PCDH9: variants seen among roughly 807,000 people sequenced by gnomAD.
PCDH9 encodes the protein protocadherin-9.
Under a neutral mutation model 70.6 loss-of-function variants are expected in PCDH9, and 24 were observed. The observed-to-expected ratio is 0.34, with a 90% CI of 0.25 to 0.48. The LOEUF is 0.48. Among genes scored for constraint, PCDH9 ranks in the 20% least tolerant of loss-of-function variants. The pLI is 0.99. For missense variants in PCDH9, 1,281 were observed against 1,503.6 expected (o/e 0.85, Z 2.45); for synonymous variants, 562 against 558.5 (o/e 1.01, Z -0.09).
intron 4 of PCDH9, among the ~76,000 whole-genome samples, chr13:66,528,227 G>A (rs1456815135): frequency 2.6e-5 from 4 of 152,062 alleles, no homozygotes; most frequent in African/African-American, 7.2e-5. Context: ...TATAATTTCC[G>A]AAAGATCCAC....
chr13:67,228,142 C>A lies in PCDH9; in HGVS notation c.299G>T (p.Gly100Val). The change falls in exon 2 of 5, where the codon GGC becomes GTC. Residue 100 changes from glycine to valine, a missense_variant. Transcript: ENST00000377865. ...CTCATTCTCCTCAGCATATGAGGCG[C>A]CAGCACAGAGTTTTTCTCTGTCTAT... ...NRIDREKLCA[G>V]ASYAEENECF... 1 of 1,614,038 alleles carries A rather than the reference C, an allele frequency of 6.2e-7. No individual in the cohort carries two copies. The highest frequency in any genetic ancestry group is 8.5e-7 in the Non-Finnish European group (1 of 1,179,926).
At chr13:67,125,831 G>GTATATA (rs571391758) in intron 2 of PCDH9, among the ~76,000 whole-genome samples, 3 of 146,928 alleles carry the variant, frequency 2.0e-5, no homozygotes, top group African/African-American at 7.4e-5. Flanking sequence ...AAAAATGTGT[G>GTATATA]TATATATATA....
At chr13:66,753,708 C>G (rs1193732749) in intron 3 of PCDH9, among the ~76,000 whole-genome samples, 1 of 152,122 alleles carries the variant, frequency 6.6e-6, no homozygotes, top group East Asian at 1.9e-4. Context: ...CTCAGTCATA[C>G]ATGTAAAAAC....
At chr13:67,144,903 G>A (rs1030339094) in intron 2 of PCDH9, among the ~76,000 whole-genome samples, 1 of 152,090 alleles carries the variant, frequency 6.6e-6, no homozygotes, top group Non-Finnish European at 1.5e-5. Context: ...ATGTTTGTCA[G>A]TGATTTAAAT....
chr13:66,446,136 GTATT>G (rs1958085635), intron 4 of PCDH9, among the ~76,000 whole-genome samples: 1 of 151,988 alleles, frequency 6.6e-6, no homozygotes, highest in South Asian at 2.1e-4. Flanking sequence ...GTGTATGTAT[GTATT>G]TGTGTGTATG....
intron 3 of PCDH9, among the ~76,000 whole-genome samples, chr13:66,701,151 A>G (rs1045713039): frequency 1.3e-5 from 2 of 151,566 alleles, no homozygotes; most frequent in African/African-American, 2.4e-5. Context: ...ATGACCATTT[A>G]TATGAGGAAG....
intron 4 of PCDH9, among the ~76,000 whole-genome samples, chr13:66,522,080 A>T (rs1646905604): frequency 6.7e-6 from 1 of 149,012 alleles, no homozygotes; most frequent in Admixed American, 6.7e-5. Context: ...AAATATATAT[A>T]CATATATTAC....
At chr13:66,723,175 G>T (rs942718327) in intron 3 of PCDH9, among the ~76,000 whole-genome samples, 6 of 151,686 alleles carry the variant, frequency 4.0e-5, no homozygotes, top group Admixed American at 1.3e-4. Context: ...TATTCTAGGG[G>T]TACCTCATTC....
chr13:67,223,308 G>A (rs2138124775), intron 2 of PCDH9: 1 of 152,102 alleles, frequency 6.6e-6, no homozygotes, highest in East Asian at 1.9e-4. Context: ...ACTATATATA[G>A]GTTCAACTTT....
At chr13:66,685,913 C>T (rs2078394744) in intron 3 of PCDH9, among the ~76,000 whole-genome samples, 1 of 152,146 alleles carries the variant, frequency 6.6e-6, no homozygotes, top group Non-Finnish European at 1.5e-5. Context: ...TTCATTGTAT[C>T]TAGGAAGTAA....
chr13:66,979,665 G>A (rs972093188), intron 2 of PCDH9, among the ~76,000 whole-genome samples: 2 of 151,988 alleles, frequency 1.3e-5, no homozygotes, highest in Non-Finnish European at 2.9e-5. Flanking sequence ...TCTCATTCAT[G>A]TCCAAAATTC....
chr13:67,133,808 T>C (rs147914133), intron 2 of PCDH9, among the ~76,000 whole-genome samples: 94 of 152,178 alleles, frequency 6.2e-4, no homozygotes, highest in African/African-American at 2.0e-3. Context: ...ATGCAATAAA[T>C]TAATCAAAAT....
chr13:66,597,881 T>C (rs2077122086), intron 4 of PCDH9, among the ~76,000 whole-genome samples: 1 of 150,980 alleles, frequency 6.6e-6, no homozygotes. Flanking sequence ...TTCAACTCAG[T>C]AACAAATTTA....
intron 4 of PCDH9, among the ~76,000 whole-genome samples, chr13:66,622,738 G>A (rs1035826243): frequency 6.6e-6 from 1 of 152,122 alleles, no homozygotes; most frequent in Non-Finnish European, 1.5e-5. Flanking sequence ...GATGTGGGTG[G>A]GGCCAGATAA....
chr13:66,539,461 C>T (rs890582237), intron 4 of PCDH9, among the ~76,000 whole-genome samples: 1 of 152,028 alleles, frequency 6.6e-6, no homozygotes, highest in Non-Finnish European at 1.5e-5. Flanking sequence ...GCCTTTCCCC[C>T]TTTTGCTTTG....
chr13:66,618,477 T>A (rs1262526688), intron 4 of PCDH9, among the ~76,000 whole-genome samples: 1 of 152,216 alleles, frequency 6.6e-6, no homozygotes, highest in East Asian at 1.9e-4. Context: ...AAACTCTAGA[T>A]AATTTTATGT....
At chr13:66,598,457 T>A (rs923821570) in intron 4 of PCDH9, among the ~76,000 whole-genome samples, 1 of 151,864 alleles carries the variant, frequency 6.6e-6, no homozygotes, top group Non-Finnish European at 1.5e-5. Flanking sequence ...TACATGTTTA[T>A]CTTTTTTTAA....
At chr13:66,644,864 C>A (rs1159242924) in intron 3 of PCDH9, among the ~76,000 whole-genome samples, 4 of 151,992 alleles carry the variant, frequency 2.6e-5, no homozygotes, top group Non-Finnish European at 4.4e-5. Flanking sequence ...CTCCAAGAGA[C>A]ATATTTCAGA....
chr13:66,377,570 A>G (rs919068026), intron 4 of PCDH9, among the ~76,000 whole-genome samples: 1 of 152,210 alleles, frequency 6.6e-6, no homozygotes, highest in African/African-American at 2.4e-5. Flanking sequence ...TAAGTTAACC[A>G]CTTGGTTGGC....
Sources: allele counts gnomAD v4.1 joint callset (sites outside exome capture counted in the v4.1 genomes callset), GRCh38; gene constraint gnomAD v4.1.1; transcripts MANE v1.5; gene names NCBI Gene and HGNC (gene_info 2026-07-23, HGNC 2026-07-21).